The following KDM6A variants were observed in gnomAD, a reference collection of about 807,000 sequenced individuals.
KDM6A encodes lysine demethylase 6A, also known as lysine-specific demethylase 6A.
In KDM6A, 11 loss-of-function variants were observed where a neutral mutation model predicts 117.6. The observed-to-expected ratio is 0.09, with a 90% CI of 0.06 to 0.15. The LOEUF is 0.15. Among genes scored for constraint, KDM6A ranks in the 10% least tolerant of loss-of-function variants. The pLI, the probability that KDM6A is intolerant of heterozygous loss-of-function variation, is 1.00. For synonymous variants in KDM6A, 384 were observed against 396.1 expected, an observed-to-expected ratio of 0.97 and a Z score of 0.36; for missense variants, 799 against 1,077.3, an observed-to-expected ratio of 0.74 and a Z score of 3.62.
At chrX:44,916,652 AT>A (rs901628790) in intron 2 of KDM6A, among the ~76,000 whole-genome samples, 1 of 109,859 alleles carries the variant, frequency 9.1e-6, no homozygotes, top group Non-Finnish European at 1.9e-5. Flanking sequence ...TTAAAAAATT[AT>A]TTTTTTTATT....
chrX:45,106,991 A>T (rs1406080395), intron 27 of KDM6A: 2 of 179,833 alleles, frequency 1.1e-5, no homozygotes, highest in South Asian at 1.9e-4. Context: ...TAAAAAAAAA[A>T]TAATGTGCCT....
intron 2 of KDM6A, among the ~76,000 whole-genome samples, chrX:44,913,900 C>G (rs1264125458): frequency 9.0e-6 from 1 of 111,468 alleles, no homozygotes; most frequent in Non-Finnish European, 1.9e-5. Flanking sequence ...TGGACAACTT[C>G]CTTTTCTTTC....
In KDM6A at chrX:44,897,481, A is replaced by G. The variant is rs1045504369; in HGVS notation, c.225+23494A>G. Among the ~76,000 whole-genome samples the G allele has an allele frequency of 5.4e-5, 6 of 110,725 alleles. No homozygotes were observed. The Admixed American group carries it at 5.8e-4, about 11-fold the overall frequency. On this transcript the variant is annotated intron_variant, in intron 2 of 29. Transcript: ENST00000611820. ...GATTGTTTCTCCTCATTCATAATAT[A>G]CTTTCCTGGTTTCTGGTATGGCATG... is the stretch of plus-strand genomic sequence containing the variant.
In KDM6A at chrX:44,960,503, AC is replaced by A. The variant is rs1044908204; in HGVS notation, c.226-780del. ...TCCTTTTATCAGCTCTTTGAGTGTT[AC>A]TAAAATAGAAAGGATAAATTCCCCA... On this transcript the variant is annotated intron_variant, in intron 2 of 29. Transcript: ENST00000611820. Among the ~76,000 whole-genome samples the A allele has an allele frequency of 3.6e-5, 4 of 111,794 alleles. No homozygotes were observed. The Admixed American group carries it at 3.8e-4, about 11-fold the overall frequency.
At chrX:45,092,931 G>A (rs2045950608) in intron 27 of KDM6A, among the ~76,000 whole-genome samples, 1 of 111,141 alleles carries the variant, frequency 9.0e-6, no homozygotes, top group Admixed American at 9.6e-5. Flanking sequence ...AGCTGAATGA[G>A]AGAAAGGAAG....
intron 2 of KDM6A, among the ~76,000 whole-genome samples, chrX:44,884,578 C>T (rs1185913483): frequency 2.7e-5 from 3 of 111,637 alleles, no homozygotes; most frequent in Non-Finnish European, 3.8e-5. Context: ...AAGTGTGTGG[C>T]ATTGGGCTTG....
intron 7 of KDM6A, among the ~76,000 whole-genome samples, 174 bp downstream of exon 7, chrX:45,035,159 G>A (rs1242883976): frequency 8.9e-6 from 1 of 112,138 alleles, no homozygotes; most frequent in Non-Finnish European, 1.9e-5. Context: ...CAGATATTGT[G>A]AACAGCCTGT....
chrX:44,976,951 T>A (rs1451793292), intron 4 of KDM6A, among the ~76,000 whole-genome samples: 1 of 111,810 alleles, frequency 8.9e-6, no homozygotes, highest in Non-Finnish European at 1.9e-5. Context: ...CTGCCAGTAA[T>A]GTGTGAGGGT....
chrX:44,959,354 C>T (rs1048235337), intron 2 of KDM6A, among the ~76,000 whole-genome samples: 1 of 108,949 alleles, frequency 9.2e-6, no homozygotes, highest in African/African-American at 3.3e-5. Flanking sequence ...AGTTTTATGA[C>T]AAGTAGAAGA....
At chrX:45,098,816 T>TG (rs1321378208) in intron 27 of KDM6A, among the ~76,000 whole-genome samples, 1 of 111,911 alleles carries the variant, frequency 8.9e-6, no homozygotes, top group Non-Finnish European at 1.9e-5. Context: ...TCAAGGGTAC[T>TG]GATCTCCTTT....
At chrX:45,075,834 T>C (rs2045087971) in intron 18 of KDM6A, among the ~76,000 whole-genome samples, 1 of 111,921 alleles carries the variant, frequency 8.9e-6, no homozygotes, top group Non-Finnish European at 1.9e-5. Flanking sequence ...TTTCAAATTA[T>C]TACTTGAAAT....
At chrX:44,943,699 A>T (rs1487808348) in intron 2 of KDM6A, among the ~76,000 whole-genome samples, 2 of 111,733 alleles carry the variant, frequency 1.8e-5, no homozygotes, top group Non-Finnish European at 3.8e-5. Context: ...TCATTGAGGG[A>T]TTATTTGGGT....
At chrX:45,067,653 GTT>G (rs1192862756) in intron 17 of KDM6A, among the ~76,000 whole-genome samples, 4 of 83,295 alleles carry the variant, frequency 4.8e-5, no homozygotes, top group African/African-American at 9.3e-5. Flanking sequence ...TCTTTTTTTT[GTT>G]TTTTTTTTTT....
chrX:45,014,424 T>C (rs916133605), intron 5 of KDM6A, among the ~76,000 whole-genome samples: 1 of 111,895 alleles, frequency 8.9e-6, no homozygotes, highest in Non-Finnish European at 1.9e-5. Flanking sequence ...GCTATGCTGT[T>C]ATTTTACTCA....
At chrX:44,874,901 G>A (rs1011374958) in intron 2 of KDM6A, among the ~76,000 whole-genome samples, 1 of 111,684 alleles carries the variant, frequency 9.0e-6, no homozygotes, top group Non-Finnish European at 1.9e-5. Flanking sequence ...AAGATTATTT[G>A]CATATAGAAT....
chrX:44,961,093 C>T (rs1360694131), intron 2 of KDM6A, among the ~76,000 whole-genome samples, 191 bp from the exon 3 acceptor site: 1 of 111,504 alleles, frequency 9.0e-6, no homozygotes, highest in East Asian at 2.8e-4. Flanking sequence ...TAACTAGTGG[C>T]TCTTTTAATA....
At chrX:44,956,340 G>A (rs1357416615) in intron 2 of KDM6A, among the ~76,000 whole-genome samples, 1 of 111,086 alleles carries the variant, frequency 9.0e-6, no homozygotes, top group African/African-American at 3.3e-5. Context: ...TATTAATTTG[G>A]GCCATGAATA....
At chrX:45,085,641 A>G (rs898307961) in intron 24 of KDM6A, among the ~76,000 whole-genome samples, 2 of 112,160 alleles carry the variant, frequency 1.8e-5, no homozygotes, top group African/African-American at 6.5e-5. Flanking sequence ...TGCCTATCAT[A>G]GAAGCTCTTA....
At chrX:44,979,849 C>T (rs1230718253) in intron 4 of KDM6A, among the ~76,000 whole-genome samples, 1 of 110,284 alleles carries the variant, frequency 9.1e-6, no homozygotes, top group African/African-American at 3.3e-5. Flanking sequence ...AAAATATCAA[C>T]GTACAATTTA....
Sources: allele counts gnomAD v4.1 joint callset (sites outside exome capture counted in the v4.1 genomes callset), GRCh38; gene constraint gnomAD v4.1.1; transcripts MANE v1.5; gene names NCBI Gene and HGNC (gene_info 2026-07-23, HGNC 2026-07-21).